Variants in GALNT13 observed in about 807,000 individuals in gnomAD.
GALNT13 encodes the protein UDP-GalNAc:polypeptide N-acetylgalactosaminyltransferase 13.
A neutral mutation model predicts 64.2 loss-of-function variants in GALNT13; 28 were observed. The observed-to-expected ratio is 0.44, with a 90% CI of 0.32 to 0.60. The LOEUF is 0.60. Ranked by LOEUF, GALNT13 falls within the 20% of genes least tolerant of loss-of-function variation. The pLI, the probability that GALNT13 is intolerant of heterozygous loss-of-function variation, is 0.05. For missense variants in GALNT13, 577 were observed against 669.8 expected, an observed-to-expected ratio of 0.86 and a Z score of 1.53; for synonymous variants, 214 against 224.6, an observed-to-expected ratio of 0.95 and a Z score of 0.42.
chr2:153,661,811 A>G, the GALNT13 span, among the ~76,000 whole-genome samples: 1 of 152,282 alleles, frequency 6.6e-6, no homozygotes, highest in South Asian at 2.1e-4. Context: ...CATGGTGTGC[A>G]TATTTTTAAT....
the GALNT13 span, among the ~76,000 whole-genome samples, chr2:153,265,677 T>C: frequency 6.6e-6 from 1 of 152,184 alleles, no homozygotes; most frequent in Admixed American, 6.5e-5. Context: ...ATGTGCTTTT[T>C]TGTGTGTAGA....
the GALNT13 span, among the ~76,000 whole-genome samples, chr2:153,687,910 A>T: frequency 6.6e-6 from 1 of 151,990 alleles, no homozygotes; most frequent in Admixed American, 6.6e-5. Context: ...AGCCTTTCAC[A>T]TTTTAATTTA....
chr2:154,446,765 G>A, intron 12 of GALNT13: 1 of 1,495,846 alleles, frequency 6.7e-7, no homozygotes, highest in Non-Finnish European at 8.9e-7. Flanking sequence ...GATTTTTGGA[G>A]GTTTGTGTTG....
chr2:154,263,109 T>A (rs1434764532), intron 8 of GALNT13, among the ~76,000 whole-genome samples: 1 of 151,860 alleles, frequency 6.6e-6, no homozygotes, highest in Non-Finnish European at 1.5e-5. Context: ...AAAAAATAAA[T>A]AAAGGAGCTT....
the GALNT13 span, among the ~76,000 whole-genome samples, chr2:153,708,301 G>C: frequency 6.6e-6 from 1 of 152,126 alleles, no homozygotes; most frequent in Non-Finnish European, 1.5e-5. Flanking sequence ...GGACCTCAAA[G>C]CAGCTTCCTT....
the GALNT13 span, among the ~76,000 whole-genome samples, chr2:153,453,650 A>G: frequency 6.6e-6 from 1 of 152,202 alleles, no homozygotes; most frequent in Non-Finnish European, 1.5e-5. Context: ...AAAAGAGAAT[A>G]GTTTTACACT....
At chr2:153,952,889 T>C (rs1308584821) in intron 3 of GALNT13, among the ~76,000 whole-genome samples, 3 of 152,158 alleles carry the variant, frequency 2.0e-5, no homozygotes, top group African/African-American at 4.8e-5. Flanking sequence ...TGGAGTTCAA[T>C]GTTCGAGGGC....
chr2:153,296,946 A>G, the GALNT13 span, among the ~76,000 whole-genome samples: 1 of 152,318 alleles, frequency 6.6e-6, no homozygotes, highest in Middle Eastern at 3.4e-3. Context: ...TTTAATTTCA[A>G]ATACTTGGTG....
At chr2:153,602,000 A>G in the GALNT13 span, among the ~76,000 whole-genome samples, 4 of 151,896 alleles carry the variant, frequency 2.6e-5, no homozygotes, top group Admixed American at 1.3e-4. Flanking sequence ...AATTCTCAAA[A>G]GAGCAAATAT....
chr2:153,896,925 T>A (rs1462362221), intron 1 of GALNT13, among the ~76,000 whole-genome samples: 5 of 152,200 alleles, frequency 3.3e-5, no homozygotes, highest in Non-Finnish European at 5.9e-5. Context: ...TACAGAAAAT[T>A]TATAAGAATT....
At chr2:153,208,973 C>CTTTTTTTTTTTTTTTTTTTTT in the GALNT13 span, among the ~76,000 whole-genome samples, 7 of 74,682 alleles carry the variant, frequency 9.4e-5, no homozygotes, top group South Asian at 5.2e-4. Context: ...TGGTTTTGGT[C>CTTTTTTTTTTTTTTTTTTTTT]TTTTTTTTTT....
At chr2:153,189,194 C>T in the GALNT13 span, among the ~76,000 whole-genome samples, 5 of 152,064 alleles carry the variant, frequency 3.3e-5, no homozygotes, top group African/African-American at 1.2e-4. Context: ...TGGATTTTCA[C>T]CCACCTTTCT....
chr2:153,106,816 CT>C, the GALNT13 span, among the ~76,000 whole-genome samples: 2 of 152,094 alleles, frequency 1.3e-5, no homozygotes, highest in Admixed American at 1.3e-4. Context: ...ACAGAAAACT[CT>C]TTTGTTATAA....
At chr2:153,426,832 G>A in the GALNT13 span, among the ~76,000 whole-genome samples, 16 of 151,766 alleles carry the variant, frequency 1.1e-4, no homozygotes, top group African/African-American at 3.9e-4. Context: ...CCTTTGAAAT[G>A]TTTATAGTAG....
At chr2:153,626,195 G>A in the GALNT13 span, among the ~76,000 whole-genome samples, 2 of 151,968 alleles carry the variant, frequency 1.3e-5, no homozygotes, top group African/African-American at 4.8e-5. Context: ...ACTCAATGAA[G>A]AAATATAAAT....
chr2:154,295,500 A>G (rs1197843323), intron 8 of GALNT13, among the ~76,000 whole-genome samples: 1 of 151,782 alleles, frequency 6.6e-6, no homozygotes, highest in East Asian at 1.9e-4. Context: ...AGCAGCTGGG[A>G]TTATAGGCAC....
At chr2:153,096,734 A>G in the GALNT13 span, among the ~76,000 whole-genome samples, 1 of 151,798 alleles carries the variant, frequency 6.6e-6, no homozygotes, top group Admixed American at 6.6e-5. Flanking sequence ...CTATCCCTTT[A>G]TTTTCAATCT....
chr2:154,283,839 G>C (rs551644068), intron 8 of GALNT13, among the ~76,000 whole-genome samples: 1 of 152,144 alleles, frequency 6.6e-6, no homozygotes, highest in Non-Finnish European at 1.5e-5. Flanking sequence ...TAGGTAGATA[G>C]TAAGTTCTAT....
chr2:153,988,067 T>TAC (rs1220353008), intron 3 of GALNT13, among the ~76,000 whole-genome samples: 10 of 142,770 alleles, frequency 7.0e-5, no homozygotes, highest in East Asian at 2.0e-4. Context: ...CATATATATA[T>TAC]ATATATACAC....
Sources: allele counts gnomAD v4.1 joint callset (sites outside exome capture counted in the v4.1 genomes callset), GRCh38; gene constraint gnomAD v4.1.1; transcripts MANE v1.5; gene names NCBI Gene and HGNC (gene_info 2026-07-23, HGNC 2026-07-21).